Variants in AHCYL2 observed in about 807,000 individuals in gnomAD.
The protein encoded by AHCYL2 is S-adenosylhomocysteine hydrolase-like protein 2.
Under a neutral mutation model 81.4 loss-of-function variants are expected in AHCYL2, and 28 were observed. The ratio of observed to expected loss-of-function variants is 0.34; its 90% confidence interval spans 0.25 to 0.47. The LOEUF is 0.47. Ranked by LOEUF, AHCYL2 falls within the 20% of genes least tolerant of loss-of-function variation. The pLI is 1.00. For synonymous variants in AHCYL2, 272 were observed against 290.2 expected, an observed-to-expected ratio of 0.94 and a Z score of 0.64; for missense variants, 551 against 785.1, an observed-to-expected ratio of 0.70 and a Z score of 3.56.
intron 1 of AHCYL2, among the ~76,000 whole-genome samples, chr7:129,377,174 G>A (rs988006973): frequency 3.3e-5 from 5 of 152,120 alleles, no homozygotes; most frequent in African/African-American, 1.2e-4. Flanking sequence ...AGAGAATACC[G>A]GTAAGTAGAC....
intron 11 of AHCYL2, among the ~76,000 whole-genome samples, 198 bp downstream of exon 11, chr7:129,409,744 G>A (rs997946925): frequency 6.6e-6 from 1 of 152,268 alleles, no homozygotes; most frequent in Admixed American, 6.5e-5. Context: ...TTATTCCTAT[G>A]TAAAAATGTT....
At chr7:129,361,502 C>A (rs1793929370) in intron 1 of AHCYL2, among the ~76,000 whole-genome samples, 1 of 152,114 alleles carries the variant, frequency 6.6e-6, no homozygotes, top group Non-Finnish European at 1.5e-5. Context: ...GGTAGGCACC[C>A]AGTAAATATT....
At chr7:129,358,977 C>T (rs1422734546) in intron 1 of AHCYL2, among the ~76,000 whole-genome samples, 1 of 152,106 alleles carries the variant, frequency 6.6e-6, no homozygotes, top group East Asian at 1.9e-4. Context: ...TATGCATACT[C>T]CATAACCTAG....
At chr7:129,399,586 GTTT>G (rs201286063) in intron 5 of AHCYL2, among the ~76,000 whole-genome samples, 1,911 of 152,238 alleles carry the variant, frequency 0.013, 21 homozygotes, top group Middle Eastern at 0.031. Flanking sequence ...ACACGTAAGG[GTTT>G]TTTTCTTAAT....
intron 7 of AHCYL2, 134 bp from the exon 8 acceptor site, chr7:129,404,963 C>A (rs750228787): frequency 1.4e-5 from 7 of 504,874 alleles, no homozygotes; most frequent in Non-Finnish European, 2.5e-5. Context: ...TCAGTGGCCA[C>A]CTAACAGGAT....
intron 1 of AHCYL2, among the ~76,000 whole-genome samples, chr7:129,233,463 C>T (rs182008480): frequency 2.6e-5 from 4 of 152,226 alleles, no homozygotes; most frequent in Admixed American, 2.6e-4. Flanking sequence ...AGGCATTAGC[C>T]ACTGTGCCTG....
At chr7:129,374,638 G>T (rs1017219733) in intron 1 of AHCYL2, among the ~76,000 whole-genome samples, 1 of 151,734 alleles carries the variant, frequency 6.6e-6, no homozygotes, top group Admixed American at 6.6e-5. Flanking sequence ...GAAACCCCAT[G>T]TTTACTAAAA....
chr7:129,296,415 TA>T (rs1425291673), intron 1 of AHCYL2, among the ~76,000 whole-genome samples: 1 of 152,130 alleles, frequency 6.6e-6, no homozygotes, highest in Non-Finnish European at 1.5e-5. Flanking sequence ...TCATTGGATT[TA>T]AATATTTTGG....
At chr7:129,247,793 G>A (rs1243992487) in intron 1 of AHCYL2, among the ~76,000 whole-genome samples, 3 of 152,002 alleles carry the variant, frequency 2.0e-5, no homozygotes, top group African/African-American at 7.2e-5. Flanking sequence ...GTAGAGAAGG[G>A]GTTTTGCCAT....
At chr7:129,400,775 G>A (rs1250091255) in intron 6 of AHCYL2, among the ~76,000 whole-genome samples, 1 of 151,896 alleles carries the variant, frequency 6.6e-6, no homozygotes, top group Non-Finnish European at 1.5e-5. Context: ...GAGATACTTA[G>A]CCTTCTCTCT....
At chr7:129,253,536 A>G (rs1392372312) in intron 1 of AHCYL2, among the ~76,000 whole-genome samples, 5 of 152,202 alleles carry the variant, frequency 3.3e-5, no homozygotes, top group African/African-American at 1.2e-4. Flanking sequence ...AATGGCAAAC[A>G]CTGTATTTTG....
chr7:129,407,268 C>T (rs1355642832), intron 10 of AHCYL2, among the ~76,000 whole-genome samples: 2 of 152,186 alleles, frequency 1.3e-5, no homozygotes, highest in African/African-American at 2.4e-5. Flanking sequence ...ATGAGTATCA[C>T]CTAAGCCTGG....
chr7:129,397,292 T>C lies in AHCYL2; in HGVS notation c.791T>C (p.Leu264Pro). ...GCTGCCTGCAACATCTATTCCACTC[T>C]CAATGAAGTGGCTGCTGCTCTAGCA... Reference protein sequence around the residue: ...RWAACNIYSTLNEVAAALAES... With the variant: ...RWAACNIYSTPNEVAAALAES... Residue 264 changes from leucine (L) to proline (P), a missense_variant, in exon 5 of 17, where the codon CTC (leucine) becomes CCC (proline). Leu to Pro is a moderately conservative substitution (Grantham distance 98). Coordinates refer to ENST00000325006, the MANE Select transcript of AHCYL2 (RefSeq NM_015328.4). 9 of 1,614,178 alleles carry C rather than the reference T, an allele frequency of 5.6e-6. No homozygotes were observed. The highest frequency in any genetic ancestry group is 5.9e-6 in the Non-Finnish European group (7 of 1,180,028).
At chr7:129,246,310 G>T (rs1055188384) in intron 1 of AHCYL2, among the ~76,000 whole-genome samples, 1 of 151,916 alleles carries the variant, frequency 6.6e-6, no homozygotes, top group African/African-American at 2.4e-5. Flanking sequence ...CACCCGCCTC[G>T]GCCTCCCAAA....
In AHCYL2 at chr7:129,371,526, A is replaced by G. The variant is rs11765453; in HGVS notation, c.364-8112A>G. Among the ~76,000 whole-genome samples the G allele has an allele frequency of 9.4e-3, 1,429 of 152,304 alleles. 14 individuals carry two copies. The highest frequency in any genetic ancestry group is 0.012 in the Non-Finnish European group (844 of 68,002). On this transcript the variant is annotated intron_variant, in intron 1 of 16. Transcript: ENST00000325006. ...ACTTCTCCTGGAGCCTCTGCTCCTC[A>G]GCTGTTTTCATGTGAAGGATTTTCT... is the stretch of plus-strand genomic sequence containing the variant.
intron 1 of AHCYL2, among the ~76,000 whole-genome samples, chr7:129,271,376 AAAAG>A (rs1282309391): frequency 4.0e-5 from 6 of 151,768 alleles, no homozygotes; most frequent in Admixed American, 6.6e-5. Flanking sequence ...AAAAAAAAAA[AAAAG>A]AGTTTTAAAA....
Position 129,363,695 on chromosome 7 carries a change from G to A in AHCYL2, c.364-15943G>A, listed in dbSNP as rs531210015. On this transcript the variant is annotated intron_variant, in intron 1 of 16. Coordinates refer to ENST00000325006, the MANE Select transcript of AHCYL2 (RefSeq NM_015328.4). The stretch of plus-strand genomic sequence containing the variant: ...TGAGATTACAGGCGCCCGCCACCAC[G>A]CCCAGCTAATTTTTGTACTTTTAGT... Among the ~76,000 whole-genome samples, 6 of 152,028 alleles carry A rather than the reference G, an allele frequency of 3.9e-5. No individual in the cohort carries two copies. The East Asian group carries it at 9.7e-4, about 25-fold the overall frequency.
intron 1 of AHCYL2, among the ~76,000 whole-genome samples, chr7:129,363,488 CAA>C (rs113846262): frequency 9.9e-5 from 15 of 151,516 alleles, no homozygotes; most frequent in Non-Finnish European, 2.1e-4. Context: ...AGTAAGGAAA[CAA>C]AAAAAAGTCA....
chr7:129,225,485 G>T (rs562118851), intron 1 of AHCYL2, 46 bp downstream of exon 1: 13 of 1,460,894 alleles, frequency 8.9e-6, no homozygotes, highest in East Asian at 2.9e-5. Context: ...GGAGGGGAGG[G>T]GAACTGCAGA....
Sources: allele counts gnomAD v4.1 joint callset (sites outside exome capture counted in the v4.1 genomes callset), GRCh38; gene constraint gnomAD v4.1.1; transcripts MANE v1.5; gene names NCBI Gene and HGNC (gene_info 2026-07-23, HGNC 2026-07-21).